Variants in SLC2A13 observed in about 807,000 individuals in gnomAD.
SLC2A13 encodes proton myo-inositol cotransporter.
In SLC2A13, 32 loss-of-function variants were observed where a neutral mutation model predicts 64.4. That is an observed-to-expected ratio of 0.50 (90% CI 0.37 to 0.67). The LOEUF (loss-of-function observed/expected upper bound fraction) is 0.67, where lower values mean the gene tolerates loss of function less well. Ranked by LOEUF, SLC2A13 falls within the 30% of genes least tolerant of loss-of-function variation. The pLI, the probability that SLC2A13 is intolerant of heterozygous loss-of-function variation, is 0.00. For synonymous variants in SLC2A13, 338 were observed against 327.1 expected (o/e 1.03, Z -0.36); for missense variants, 743 against 829.2 (o/e 0.90, Z 1.28).
chr12:40,103,267 T>C (rs1400604478), intron 1 of SLC2A13, among the ~76,000 whole-genome samples: 1 of 152,204 alleles, frequency 6.6e-6, no homozygotes, highest in Non-Finnish European at 1.5e-5. Flanking sequence ...ATTTTGCCCC[T>C]TGCTTAGAAC....
rs34600171 is a variant in SLC2A13 at position 40,106,001 on chromosome 12, C to G, written c.-193G>C. ...GAGAAAGTTGCTGCCCGCCGCGCTC[C>G]GACGCTGCGGAGTTGGAGCCCGGCG... On this transcript the variant is annotated 5_prime_UTR_variant, in exon 1 of 10. Coordinates refer to ENST00000280871, the MANE Select transcript of SLC2A13 (RefSeq NM_052885.4). The G allele has an allele frequency of 1.7e-6, 1 of 592,242 alleles. No homozygotes were observed. The highest frequency in any genetic ancestry group is 2.5e-6 in the Non-Finnish European group (1 of 393,088). The allele number at this position is 592,242 out of a possible 1,614,324, so 36.7% of individuals were successfully genotyped here.
At position 39,839,769 on chromosome 12, in the gene SLC2A13, CCT is replaced by C. The variant is rs1205364051; in HGVS notation, c.1320-9543_1320-9542del. On this transcript the variant is annotated intron_variant, in intron 6 of 9. Coordinates refer to ENST00000280871, the MANE Select transcript of SLC2A13 (RefSeq NM_052885.4). ...TAACCAATACACTGAGCCCCCATGA[CCT>C]CTTTCTTTCCTTTGTTTCTCTTCTC... is the stretch of plus-strand genomic sequence containing the variant. Among the ~76,000 whole-genome samples the C allele has an allele frequency of 7.9e-5, 12 of 152,146 alleles. No individual in the cohort carries two copies. The East Asian group carries it at 1.7e-3, about 22-fold the overall frequency.
chr12:40,072,811 A>T (rs1286185847), intron 1 of SLC2A13, among the ~76,000 whole-genome samples: 1 of 151,874 alleles, frequency 6.6e-6, no homozygotes, highest in Non-Finnish European at 1.5e-5. Context: ...TTTTATAGGC[A>T]CTCCTGCAAT....
At chr12:39,921,099 TG>T (rs1945607947) in intron 4 of SLC2A13, among the ~76,000 whole-genome samples, 1 of 152,116 alleles carries the variant, frequency 6.6e-6, no homozygotes, top group Admixed American at 6.5e-5. Flanking sequence ...TGATTGATTA[TG>T]GTTTTATACA....
intron 4 of SLC2A13, among the ~76,000 whole-genome samples, chr12:39,940,737 A>G (rs961683792): frequency 6.6e-6 from 1 of 151,996 alleles, no homozygotes. Flanking sequence ...TCTATACATT[A>G]TTGGGGTACA....
intron 3 of SLC2A13, among the ~76,000 whole-genome samples, chr12:39,991,969 T>C (rs1947145930): frequency 6.6e-6 from 1 of 152,210 alleles, no homozygotes; most frequent in Non-Finnish European, 1.5e-5. Context: ...ATTGCAATTA[T>C]GCTTAAGATC....
intron 4 of SLC2A13, among the ~76,000 whole-genome samples, chr12:39,946,499 T>C (rs939958715): frequency 2.0e-5 from 3 of 152,292 alleles, no homozygotes; most frequent in African/African-American, 7.2e-5. Flanking sequence ...AGACTAGGCA[T>C]GTCTGAGCTC....
intron 1 of SLC2A13, among the ~76,000 whole-genome samples, chr12:40,068,793 TAAATATC>T (rs1329999000): frequency 6.6e-6 from 1 of 150,706 alleles, no homozygotes; most frequent in African/African-American, 2.4e-5. Flanking sequence ...ACACAGCTGA[TAAATATC>T]AAACTAATTA....
At position 40,084,607 on chromosome 12, in the gene SLC2A13, T is replaced by TA. The variant is rs528279597; in HGVS notation, c.556+20645dup. Among the ~76,000 whole-genome samples the TA allele has an allele frequency of 2.4e-4, 37 of 152,318 alleles. 1 individual carries two copies. Among genetic ancestry groups the TA allele is most frequent in the African/African-American group, 7.7e-4 (32 of 41,558 alleles). ...AGTTAAAATGTTTTTAGGGTAAATGTAAAAAATTATACTATAAGGCAGCAC... is the reference window on the plus strand; with the variant it reads ...AGTTAAAATGTTTTTAGGGTAAATGTAAAAAAATTATACTATAAGGCAGCAC... On this transcript the variant is annotated intron_variant, in intron 1 of 9. Transcript: ENST00000280871.
At chr12:39,977,799 CA>C (rs1946791359) in intron 3 of SLC2A13, among the ~76,000 whole-genome samples, 1 of 152,168 alleles carries the variant, frequency 6.6e-6, no homozygotes, top group African/African-American at 2.4e-5. Flanking sequence ...CATTTGAGAT[CA>C]AAAAGAAGAG....
chr12:39,855,690 A>G (rs1943589876), intron 6 of SLC2A13, among the ~76,000 whole-genome samples: 1 of 152,242 alleles, frequency 6.6e-6, no homozygotes, highest in Admixed American at 6.5e-5. Flanking sequence ...TTTCTAAAGT[A>G]CTATATTCTT....
intron 1 of SLC2A13, among the ~76,000 whole-genome samples, chr12:40,080,383 TATGTTC>T: frequency 6.6e-6 from 1 of 152,202 alleles, no homozygotes; most frequent in South Asian, 2.1e-4. Flanking sequence ...TTATCCTGTT[TATGTTC>T]AAGGTTTTGT....
chr12:39,811,682 T>G (rs185304164), intron 7 of SLC2A13, among the ~76,000 whole-genome samples: 8 of 152,210 alleles, frequency 5.3e-5, no homozygotes, highest in African/African-American at 1.9e-4. Context: ...TTAAGAATTG[T>G]ATGTCTTGAT....
At chr12:39,974,117 C>T (rs1005807369) in intron 3 of SLC2A13, among the ~76,000 whole-genome samples, 1 of 137,756 alleles carries the variant, frequency 7.3e-6, no homozygotes, top group Non-Finnish European at 1.5e-5. Flanking sequence ...CTGTTTTCCA[C>T]AAACCATGTT....
intron 1 of SLC2A13, among the ~76,000 whole-genome samples, chr12:40,055,756 A>G (rs1226780619): frequency 2.0e-5 from 3 of 152,154 alleles, no homozygotes; most frequent in Admixed American, 1.3e-4. Context: ...TCACTCATAG[A>G]TAACCACTGT....
rs112076463 is a variant in SLC2A13, at chr12:39,908,990, A to G, written c.1035-37029T>C. Among the ~76,000 whole-genome samples the G allele has an allele frequency of 4.4e-3, 665 of 149,448 alleles. 11 individuals are homozygous for G. Among genetic ancestry groups the G allele is most frequent in the African/African-American group, 0.015 (607 of 41,302 alleles). On this transcript the variant is annotated intron_variant, in intron 4 of 9. Transcript: ENST00000280871. ...TTTAAAAAATTAATAAGCATAAAGA[A>G]AGAGTTTTTTTTTACTTGATTATAT... is the stretch of plus-strand genomic sequence containing the variant.
chr12:40,101,929 T>C (rs926323189), intron 1 of SLC2A13, among the ~76,000 whole-genome samples: 1 of 99,800 alleles, frequency 1.0e-5, no homozygotes, highest in Non-Finnish European at 2.0e-5. Context: ...GAAGATTAAA[T>C]GAGGTAATAT....
intron 6 of SLC2A13, among the ~76,000 whole-genome samples, chr12:39,831,109 G>A (rs1179269643): frequency 4.6e-5 from 7 of 152,100 alleles, no homozygotes; most frequent in Non-Finnish European, 8.8e-5. Flanking sequence ...GCACATGCAA[G>A]GTATCAGAGA....
chr12:39,819,500 G>A (rs1942429874), intron 7 of SLC2A13, among the ~76,000 whole-genome samples: 2 of 151,996 alleles, frequency 1.3e-5, no homozygotes, highest in South Asian at 4.2e-4. Flanking sequence ...GTTCCTAAAA[G>A]CCCGGGCTGA....
Sources: gnomAD v4.1 joint callset for allele counts (sites outside exome capture counted in the v4.1 genomes callset) on GRCh38, gnomAD v4.1.1 for gene constraint, MANE v1.5 for transcripts, NCBI Gene and HGNC (gene_info 2026-07-23, HGNC 2026-07-21) for gene names.